PCDHA5: variants seen among roughly 807,000 people sequenced by gnomAD.
PCDHA5 encodes the protein protocadherin alpha-5.
Under a neutral mutation model 61.6 loss-of-function variants are expected in PCDHA5, and 43 were observed. The ratio of observed to expected loss-of-function variants is 0.70; its 90% CI spans 0.55 to 0.90. The LOEUF (loss-of-function observed/expected upper bound fraction) is 0.90, where lower values mean the gene tolerates loss of function less well. PCDHA5 is among the 40% of genes least tolerant of loss of function. The probability of loss-of-function intolerance (pLI) is 0.00; values close to 1 mark genes in which losing one functional copy is unlikely to be tolerated. For missense variants in PCDHA5, 1,298 were observed against 1,222.7 expected (o/e 1.06, Z -0.92); for synonymous variants, 627 against 543.9 (o/e 1.15, Z -2.13).
intron 3 of PCDHA5, among the ~76,000 whole-genome samples, chr5:141,005,360 A>G (rs1215157808): frequency 6.6e-6 from 1 of 152,184 alleles, no homozygotes; most frequent in Non-Finnish European, 1.5e-5. Flanking sequence ...TAGGAATGTC[A>G]TAGAATGCCT....
chr5:140,862,685 C>T (rs782248340), intron 1 of PCDHA5: 8 of 552,656 alleles, frequency 1.4e-5, no homozygotes, highest in Non-Finnish European at 1.8e-5. Flanking sequence ...GTGCTGGTGT[C>T]CTACTCGTTG....
rs2150527140 is a variant in PCDHA5 at position 140,853,018 on chromosome 5, A to G, written c.2352+28891A>G. 8 of 268,768 alleles carry G rather than the reference A, an allele frequency of 3.0e-5. No homozygotes were observed. In the East Asian group the frequency reaches 8.8e-4, roughly 30 times the overall value. 16.6% of individuals were successfully genotyped at this position (268,768 alleles called of 1,614,324 possible). A position where few individuals can be genotyped will look rare whatever the true frequency, so the allele number is the denominator to read the frequency against. ...CTCAGCCTCCCGAGTAGCTGGGACT[A>G]CAGGCGCCTGCCACCATGCCCGCCT... On this transcript the variant is annotated intron_variant, in intron 1 of 3. Coordinates refer to ENST00000529859, the MANE Select transcript of PCDHA5 (RefSeq NM_018908.3).
chr5:140,877,476 G>T (rs1554169787), intron 1 of PCDHA5: 2 of 1,613,870 alleles, frequency 1.2e-6, no homozygotes, highest in South Asian at 1.1e-5. Flanking sequence ...TGCTGGTGTC[G>T]CTGGTGGAGA....
intron 1 of PCDHA5, chr5:140,858,272 G>A: frequency 6.3e-7 from 1 of 1,597,346 alleles, no homozygotes; most frequent in Non-Finnish European, 8.6e-7. Flanking sequence ...GTGCTCTAGC[G>A]CGGTGGGGAG....
chr5:140,867,527 T>C (rs1238140449), intron 1 of PCDHA5: 1 of 152,106 alleles, frequency 6.6e-6, no homozygotes, highest in Non-Finnish European at 1.5e-5. Context: ...TAGTTGAATA[T>C]ATATATAAAA....
chr5:140,944,838 A>C (rs996510272), intron 1 of PCDHA5, among the ~76,000 whole-genome samples: 13 of 152,212 alleles, frequency 8.5e-5, no homozygotes, highest in Non-Finnish European at 1.6e-4. Flanking sequence ...TTGTAAAATG[A>C]GATATTAGAA....
intron 1 of PCDHA5, chr5:140,869,562 A>G (rs373044645): frequency 8.1e-6 from 13 of 1,614,050 alleles, no homozygotes; most frequent in South Asian, 2.2e-5. Context: ...CGCGTTTTCC[A>G]CTAGAGGGAG....
rs955217729 is a variant in PCDHA5 at position 140,843,931 on chromosome 5, A to T, written c.2352+19804A>T. The T allele has an allele frequency of 6.9e-6, 4 of 582,802 alleles. 1 individual carries two copies. Among genetic ancestry groups the T allele is most frequent in the Non-Finnish European group, 1.2e-5 (4 of 332,650 alleles). The allele number at this position is 582,802 out of a possible 1,614,324, so 36.1% of individuals were successfully genotyped here. Reference sequence around the variant, plus strand: ...TTGGGTCTATCTTGAAACTCAAGTTATGGTTGGATGATATCCATTTTTTAC... The same window carrying T: ...TTGGGTCTATCTTGAAACTCAAGTTTTGGTTGGATGATATCCATTTTTTAC... On this transcript the variant is annotated intron_variant, in intron 1 of 3. Coordinates refer to ENST00000529859, the MANE Select transcript of PCDHA5 (RefSeq NM_018908.3).
In PCDHA5 at chr5:140,834,549, C is replaced by G. The variant is rs782435489; in HGVS notation, c.2352+10422C>G. 3 of 1,614,074 alleles carry G rather than the reference C, an allele frequency of 1.9e-6. No individual in the cohort carries two copies. Among genetic ancestry groups the G allele is most frequent in the Non-Finnish European group, 2.5e-6 (3 of 1,180,034 alleles). On this transcript the variant is annotated intron_variant, in intron 1 of 3. Transcript: ENST00000529859. ...CATCGCGCAGGACCTGGGGCTGGAG[C>G]TGGCGGAGCTGGTGCCGCGCCTGTT...
At chr5:140,997,206 T>A (rs2097763489) in intron 3 of PCDHA5, among the ~76,000 whole-genome samples, 1 of 152,118 alleles carries the variant, frequency 6.6e-6, no homozygotes, top group Non-Finnish European at 1.5e-5. Context: ...ATTGACATCA[T>A]TATTGAAACT....
intron 1 of PCDHA5, among the ~76,000 whole-genome samples, chr5:140,964,480 C>T (rs2095835890): frequency 6.6e-6 from 1 of 152,122 alleles, no homozygotes; most frequent in Non-Finnish European, 1.5e-5. Flanking sequence ...GATTTTTTCA[C>T]AGTCACAGGT....
intron 1 of PCDHA5, among the ~76,000 whole-genome samples, chr5:140,840,448 G>T (rs1381266800): frequency 1.3e-5 from 2 of 151,904 alleles, no homozygotes; most frequent in Non-Finnish European, 2.9e-5. Flanking sequence ...AAATAGAAAC[G>T]TTAAATAAAA....
At chr5:140,879,335 C>T (rs1388490473) in intron 1 of PCDHA5, among the ~76,000 whole-genome samples, 1 of 152,072 alleles carries the variant, frequency 6.6e-6, no homozygotes, top group Non-Finnish European at 1.5e-5. Context: ...TTAGTTTGTT[C>T]AGCTGAGAAG....
At chr5:140,883,313 G>A (rs1469839417) in intron 1 of PCDHA5, 2 of 1,614,000 alleles carry the variant, frequency 1.2e-6, no homozygotes, top group African/African-American at 2.7e-5. Flanking sequence ...TAACGCCCCA[G>A]AGGTTACCAT....
intron 1 of PCDHA5, among the ~76,000 whole-genome samples, chr5:140,951,339 G>A (rs246043): frequency 0.56 from 85,609 of 151,878 alleles, 24,748 homozygotes; most frequent in African/African-American, 0.69. Context: ...TTCTGTTTGT[G>A]TTAGTCCATT....
At chr5:140,915,732 G>A (rs1454734995) in intron 1 of PCDHA5, among the ~76,000 whole-genome samples, 2 of 151,870 alleles carry the variant, frequency 1.3e-5, no homozygotes, top group East Asian at 3.9e-4. Flanking sequence ...ATTGTGCTGG[G>A]TCAGACCTAT....
rs377133743 is a variant in PCDHA5 at position 140,875,740 on chromosome 5, A to C, written c.2352+51613A>C. The C allele has an allele frequency of 2.1e-4, 339 of 1,614,222 alleles. No individual in the cohort carries two copies. The African/African-American group carries it at 4.0e-3, about 19-fold the overall frequency. On this transcript the variant is annotated intron_variant, in intron 1 of 3. Coordinates refer to ENST00000529859, the MANE Select transcript of PCDHA5 (RefSeq NM_018908.3). ...TGGCATTTTGTTTGTGAATTCTCGG[A>C]TCGACCGCGAGAAGCTGTGCGGGCG...
rs377069661 is a variant in PCDHA5 at position 140,915,905 on chromosome 5, G to A, written c.2353-63044G>A. ...AGCAAGTTCCCCCTGGCCCTGGGCA[G>A]GCCCAGAGATGCTACTTGGGAGTCA... On this transcript the variant is annotated intron_variant, in intron 1 of 3. Transcript: ENST00000529859. Among the ~76,000 whole-genome samples, 6 of 152,266 alleles carry A rather than the reference G, an allele frequency of 3.9e-5. No individual in the cohort carries two copies. In the East Asian group the frequency reaches 1.2e-3, roughly 29 times the overall value.
chr5:140,828,187 C>A (rs2150152114), intron 1 of PCDHA5: 1 of 1,614,148 alleles, frequency 6.2e-7, no homozygotes, highest in Non-Finnish European at 8.5e-7. Context: ...GCCAGCTCCA[C>A]TACTCCGTAC....
Sources: gnomAD v4.1 joint callset for allele counts (sites outside exome capture counted in the v4.1 genomes callset) on GRCh38, gnomAD v4.1.1 for gene constraint, MANE v1.5 for transcripts, NCBI Gene and HGNC (gene_info 2026-07-23, HGNC 2026-07-21) for gene names.